AQP10: variants seen among roughly 807,000 people sequenced by gnomAD.
AQP10 encodes aquaporin-10.
In AQP10, 15 loss-of-function variants were observed where a neutral mutation model predicts 21.0. The observed-to-expected ratio is 0.71, with a 90% CI of 0.48 to 1.10. The LOEUF (loss-of-function observed/expected upper bound fraction) is 1.10, where lower values mean the gene tolerates loss of function less well. AQP10 is among the 50% of genes least tolerant of loss of function. The probability of loss-of-function intolerance (pLI) is 0.00; values close to 1 mark genes in which losing one functional copy is unlikely to be tolerated. For missense variants in AQP10, 268 were observed against 379.5 expected, an observed-to-expected ratio of 0.71 and a Z score of 2.44; for synonymous variants, 143 against 155.7, an observed-to-expected ratio of 0.92 and a Z score of 0.61.
Position 154,323,368 on chromosome 1 carries a change from G to A in AQP10, c.489+9G>A. 1 of 1,610,470 alleles carries A rather than the reference G, an allele frequency of 6.2e-7. No individual in the cohort carries two copies. Among genetic ancestry groups the A allele is most frequent in the Non-Finnish European group, 8.5e-7 (1 of 1,177,090 alleles). On this transcript the variant is annotated intron_variant, in intron 4 of 5. Transcript: ENST00000324978. The surrounding 1 kb of genome is among the most constrained non-coding windows in gnomAD (Gnocchi z 4.5). ...ATGGCTTCCTGGATCAGGTAAGTGTGAGGGGGAGACCTGGGGACACTACTT... is the reference window on the plus strand; with the variant it reads ...ATGGCTTCCTGGATCAGGTAAGTGTAAGGGGGAGACCTGGGGACACTACTT...
Position 154,323,473 on chromosome 1 carries a change from C to G in AQP10, c.489+114C>G, listed in dbSNP as rs963092781. 2.0e-6 allele frequency: 3 copies of G among 1,483,962 alleles called. No individual in the cohort carries two copies. The African/African-American group carries it at 4.2e-5, about 21-fold the overall frequency. 91.9% of individuals were successfully genotyped at this position (1,483,962 alleles called of 1,614,324 possible). The stretch of plus-strand genomic sequence containing the variant: ...GTTGGGTCTATCTTGGCACTCCCCA[C>G]CATCCCCAACTGCCTGTGTTGCACA... On this transcript the variant is annotated intron_variant, in intron 4 of 5. Transcript: ENST00000324978. This position sits in a 1 kb window ranked among gnomAD's most constrained non-coding sequence, Gnocchi z 4.5.
Position 154,323,697 on chromosome 1 carries a change from G to T in AQP10, c.598G>T (p.Ala200Ser), listed in dbSNP as rs772816368. ...TGTGGTGGTGGGGATGCTGATCCTG[G>T]CCCTCGGGTTATCCATGGGTGCCAA... ...EPVVVGMLIL[A>S]LGLSMGANCG... The change falls in exon 5 of 6, where the codon GCC becomes TCC. Residue 200 changes from alanine to serine, a missense_variant. Ala to Ser is a moderately conservative substitution (Grantham distance 99, BLOSUM62 1). Around this residue, in one of 3 missense-constraint regions of AQP10, gnomAD observed 229 missense variants for 295.1 expected, o/e 0.78. Transcript: ENST00000324978. The surrounding 1 kb of genome is among the most constrained non-coding windows in gnomAD (Gnocchi z 4.5). 6.2e-7 allele frequency: 1 copy of T among 1,614,144 alleles called. No homozygotes were observed. Among genetic ancestry groups the T allele is most frequent in the Non-Finnish European group, 8.5e-7 (1 of 1,180,036 alleles).
intron 1 of AQP10, among the ~76,000 whole-genome samples, chr1:154,321,593 A>G (rs1685642071): frequency 6.6e-6 from 1 of 152,240 alleles, no homozygotes; most frequent in Non-Finnish European, 1.5e-5. Context: ...AAAGTGCAGC[A>G]AGAATAATTA....
chr1:154,323,972 A>G lies in AQP10; in HGVS notation c.707+166A>G. 1 of 1,455,144 alleles carries G rather than the reference A, an allele frequency of 6.9e-7. No homozygotes were observed. Among genetic ancestry groups the G allele is most frequent in the African/African-American group, 1.4e-5 (1 of 70,088 alleles). The allele number at this position is 1,455,144 out of a possible 1,614,324, so 90.1% of individuals were successfully genotyped here. On this transcript the variant is annotated intron_variant, in intron 5 of 5. Coordinates refer to ENST00000324978, the MANE Select transcript of AQP10 (RefSeq NM_080429.3). The surrounding 1 kb of genome is among the most constrained non-coding windows in gnomAD (Gnocchi z 4.5). Reference sequence around the variant, plus strand: ...CCCCTTTCTCCCTTGCTTCCCTCCCAACTTTTCACTGAAACAGTAAGATTT... The same window carrying G: ...CCCCTTTCTCCCTTGCTTCCCTCCCGACTTTTCACTGAAACAGTAAGATTT...
intron 2 of AQP10, 33 bp downstream of exon 2, chr1:154,322,092 G>C (rs199999141): frequency 6.2e-7 from 1 of 1,611,956 alleles, no homozygotes; most frequent in South Asian, 1.1e-5. Flanking sequence ...ATCAGAGCAC[G>C]TGGGATGTGC....
rs1221171133 is a variant in AQP10, at chr1:154,322,041, G to A, written c.214G>A (p.Val72Met). 2 of 1,613,512 alleles carry A rather than the reference G, an allele frequency of 1.2e-6. No individual in the cohort carries two copies. Among genetic ancestry groups the A allele is most frequent in the Non-Finnish European group, 1.7e-6 (2 of 1,179,710 alleles). The change falls in exon 2 of 6, where the codon GTG becomes ATG. Residue 72 changes from valine to methionine, a missense_variant. Physicochemically the swap from Val to Met is conservative, Grantham distance 21 (BLOSUM62 1). Coordinates refer to ENST00000324978, the MANE Select transcript of AQP10 (RefSeq NM_080429.3). ...TCTGGCCGTTACGATAGCCATCTAC[G>A]TGGGTGGTAACGTCTCAGGTGAGGA... ...GSLAVTIAIYVGGNVSGAHLN... is the reference protein window; with the variant it reads ...GSLAVTIAIYMGGNVSGAHLN...
rs1182985955 is a variant in AQP10, at chr1:154,324,427, G to A, written c.853G>A (p.Ala285Thr). The A allele has an allele frequency of 6.2e-7, 1 of 1,613,704 alleles. No individual in the cohort carries two copies. The highest frequency in any genetic ancestry group is 8.5e-7 in the Non-Finnish European group (1 of 1,179,986). ...AQDLVSAQHK[A>T]SELETPASAQ... ...GGATCTGGTGTCTGCTCAACACAAA[G>A]CCTCAGAGTTGGAAACTCCTGCCTC... Residue 285 changes from alanine (A) to threonine (T), a missense_variant, in exon 6 of 6, where the codon GCC becomes ACC. Ala to Thr is a moderately conservative substitution (Grantham distance 58). Coordinates refer to ENST00000324978, the MANE Select transcript of AQP10 (RefSeq NM_080429.3).
chr1:154,321,809 T>C (rs1191547494), intron 1 of AQP10, 124 bp from the exon 2 acceptor site: 7 of 1,312,328 alleles, frequency 5.3e-6, no homozygotes, highest in Non-Finnish European at 6.3e-6. Flanking sequence ...TCCTTCTGCT[T>C]TTCTCCTTCC....
Position 154,324,423 on chromosome 1 carries a change from C to G in AQP10, c.849C>G (p.His283Gln). 1 of 1,613,734 alleles carries G rather than the reference C, an allele frequency of 6.2e-7. No individual in the cohort carries two copies. Among genetic ancestry groups the G allele is most frequent in the South Asian group, 1.1e-5 (1 of 91,074 alleles). Residue 283 changes from histidine to glutamine, a missense_variant, in exon 6 of 6, where the codon CAC (histidine) becomes CAG (glutamine). Physicochemically the swap from His to Gln is conservative, Grantham distance 24. Coordinates refer to ENST00000324978, the MANE Select transcript of AQP10 (RefSeq NM_080429.3). ...CTCAGGATCTGGTGTCTGCTCAACA[C>G]AAAGCCTCAGAGTTGGAAACTCCTG... ...EPAQDLVSAQHKASELETPAS... is the reference protein window; with the variant it reads ...EPAQDLVSAQQKASELETPAS...
chr1:154,324,477 A>G lies in AQP10; in HGVS notation c.903A>G (p.Leu301=), dbSNP rs747407325. The change falls in exon 6 of 6, where the codon CTA becomes CTG. Residue 301 remains leucine (L), a synonymous_variant. Transcript: ENST00000324978. ...PASAQMLECK[L] is the part of the protein sequence containing the mutation. ...CAGCTCAGATGCTGGAGTGTAAGCT[A>G]TGATTAGGACAACCCTCACTTCACT... is the stretch of plus-strand genomic sequence containing the variant. 13 of 1,612,934 alleles carry G rather than the reference A, an allele frequency of 8.1e-6. 1 individual carries two copies. Among genetic ancestry groups the G allele is most frequent in the Middle Eastern group, 1.6e-4 (1 of 6,080 alleles).
chr1:154,322,854 C>G, intron 2 of AQP10, 128 bp from the exon 3 acceptor site: 1 of 1,239,770 alleles, frequency 8.1e-7, no homozygotes, highest in Non-Finnish European at 1.1e-6. Context: ...CCTCAATTTC[C>G]TAAGCTGTGT....
rs1685703394 is a variant in AQP10 at position 154,323,905 on chromosome 1, T to C, written c.707+99T>C. ...GCACTCTGCCTTTAAAATAGCTCTC[T>C]TGGCTTCTTAGGACAGTGTTCTTTC... On this transcript the variant is annotated intron_variant, in intron 5 of 5. Transcript: ENST00000324978. The surrounding 1 kb of genome is among the most constrained non-coding windows in gnomAD (Gnocchi z 4.5). 1 of 1,531,216 alleles carries C rather than the reference T, an allele frequency of 6.5e-7. No individual in the cohort carries two copies. Among genetic ancestry groups the C allele is most frequent in the Non-Finnish European group, 8.8e-7 (1 of 1,134,674 alleles). 94.9% of individuals were successfully genotyped at this position (1,531,216 alleles called of 1,614,324 possible). A position where few individuals can be genotyped will look rare whatever the true frequency, so the allele number is the denominator to read the frequency against.
chr1:154,323,535 C>G lies in AQP10; in HGVS notation c.490-54C>G. ...CATGGAATATTTGGATGAGAGAGGG[C>G]AGATGGAGCACCTGGCAGCTGACAG... On this transcript the variant is annotated intron_variant, in intron 4 of 5. Transcript: ENST00000324978. This position sits in a 1 kb window ranked among gnomAD's most constrained non-coding sequence, Gnocchi z 4.5. The G allele has an allele frequency of 8.3e-6, 13 of 1,573,390 alleles. No homozygotes were observed. The highest frequency in any genetic ancestry group is 1.1e-5 in the Non-Finnish European group (13 of 1,150,506).
intron 1 of AQP10, 42 bp from the exon 2 acceptor site, chr1:154,321,891 T>A (rs765381611): frequency 3.0e-5 from 49 of 1,610,074 alleles, no homozygotes; most frequent in East Asian, 2.7e-4. Flanking sequence ...TCCCTGTTGG[T>A]CTCCTGGGCT....
chr1:154,323,640 C>T lies in AQP10; in HGVS notation c.541C>T (p.Arg181Trp), dbSNP rs778846975. 50 of 1,614,038 alleles carry T rather than the reference C, an allele frequency of 3.1e-5. No homozygotes were observed. The highest frequency in any genetic ancestry group is 1.3e-4 in the East Asian group (6 of 44,894). Residue 181 changes from arginine (R) to tryptophan (W), a missense_variant, in exon 5 of 6, where the codon CGG becomes TGG. Transcript: ENST00000324978. The surrounding 1 kb of genome is among the most constrained non-coding windows in gnomAD (Gnocchi z 4.5). ...IVGLLAILDR[R>W]NKGVPAGLEP... ...GGGGCTCTTGGCCATCCTGGACAGACGGAACAAGGGAGTCCCTGCGGGTCT... is the reference window on the plus strand; with the variant it reads ...GGGGCTCTTGGCCATCCTGGACAGATGGAACAAGGGAGTCCCTGCGGGTCT...
chr1:154,322,216 C>G (rs967950204), intron 2 of AQP10, among the ~76,000 whole-genome samples, 157 bp downstream of exon 2: 1 of 152,224 alleles, frequency 6.6e-6, no homozygotes, highest in African/African-American at 2.4e-5. Context: ...CCACCAGCCC[C>G]TCCTCTTTCT....
At chr1:154,321,291 G>C (rs747565589) in intron 1 of AQP10, 31 bp downstream of exon 1, 31 of 1,583,372 alleles carry the variant, frequency 2.0e-5, no homozygotes, top group South Asian at 6.7e-5. Flanking sequence ...AAGGAAAGAA[G>C]GGGGTTGGGC....
Position 154,324,383 on chromosome 1 carries a change from AGG to A in AQP10, c.811_812del (p.Gly271ProfsTer29), listed in dbSNP as rs756229269. 2 of 1,613,486 alleles carry A rather than the reference AGG, an allele frequency of 1.2e-6. No homozygotes were observed. Among genetic ancestry groups the A allele is most frequent in the African/African-American group, 2.7e-5 (2 of 75,026 alleles). ...CTGTTGGTGGCTCTGCACCACCCTG[AGG>A]GCCCAGAGCCAGCTCAGGATCTGGT... On this transcript the variant is annotated frameshift_variant, in exon 6 of 6. Transcript: ENST00000324978. LOFTEE classifies it low-confidence loss of function (END_TRUNC).
rs1034421101 is a variant in AQP10, at chr1:154,324,586, C to T, written c.*106C>T. On this transcript the variant is annotated 3_prime_UTR_variant, in exon 6 of 6. Transcript: ENST00000324978. ...TGTTAATGTGCCAGAACCTGGGAGG[C>T]TTCTCTGTTTATCTGTTTGGCATCC... is the stretch of plus-strand genomic sequence containing the variant. 8.3e-7 allele frequency: 1 copy of T among 1,210,448 alleles called. No individual in the cohort carries two copies. Among genetic ancestry groups the T allele is most frequent in the Non-Finnish European group, 1.2e-6 (1 of 869,530 alleles). 75.0% of individuals were successfully genotyped at this position (1,210,448 alleles called of 1,614,324 possible). A position where few individuals can be genotyped will look rare whatever the true frequency, so the allele number is the denominator to read the frequency against.
Sources: gnomAD v4.1 joint callset for allele counts (sites outside exome capture counted in the v4.1 genomes callset) on GRCh38, gnomAD v4.1.1 for gene constraint, gnomAD v4.1.1 regional missense constraint, Gnocchi (gnomAD v3.1) non-coding constraint, MANE v1.5 for transcripts, NCBI Gene and HGNC (gene_info 2026-07-23, HGNC 2026-07-21) for gene names.